Variants in CSNK2A2IP observed in about 807,000 individuals in gnomAD.
CSNK2A2IP encodes the protein casein kinase II subunit alpha'-interacting protein.
At chr3:88,466,544 G>A in the CSNK2A2IP span, 1 of 1,231,712 alleles carries the variant, frequency 8.1e-7, no homozygotes, top group Non-Finnish European at 1.0e-6. Flanking sequence ...CAGAGTAAAA[G>A]CAGCTTTCAG....
the CSNK2A2IP span, among the ~76,000 whole-genome samples, chr3:88,356,887 T>C: frequency 6.6e-6 from 1 of 152,174 alleles, no homozygotes; most frequent in Admixed American, 6.5e-5. Context: ...TTGGCCTTTT[T>C]TATGTCCTCT....
At chr3:88,447,468 C>G in the CSNK2A2IP span, among the ~76,000 whole-genome samples, 1 of 151,710 alleles carries the variant, frequency 6.6e-6, no homozygotes, top group Non-Finnish European at 1.5e-5. Context: ...GAAACTAATC[C>G]AAAGAAAGGA....
the CSNK2A2IP span, among the ~76,000 whole-genome samples, chr3:88,420,656 T>TA: frequency 2.0e-5 from 3 of 152,190 alleles, no homozygotes; most frequent in Non-Finnish European, 2.9e-5. Flanking sequence ...GAGTAAAATG[T>TA]AAATTCTGGA....
the CSNK2A2IP span, among the ~76,000 whole-genome samples, chr3:88,451,882 T>A: frequency 3.3e-5 from 5 of 152,220 alleles, no homozygotes; most frequent in Admixed American, 1.3e-4. Context: ...TGCAAATGCC[T>A]TAATAATCTT....
At chr3:88,356,404 T>A in the CSNK2A2IP span, among the ~76,000 whole-genome samples, 1 of 152,156 alleles carries the variant, frequency 6.6e-6, no homozygotes, top group East Asian at 1.9e-4. Flanking sequence ...TCTAGTTCCA[T>A]CCATGTTGCT....
the CSNK2A2IP span, among the ~76,000 whole-genome samples, chr3:88,386,941 G>A: frequency 7.9e-5 from 12 of 152,244 alleles, no homozygotes; most frequent in Non-Finnish European, 1.3e-4. Context: ...TGAGATGGAT[G>A]GGAGATCTGG....
At chr3:88,390,025 C>G in the CSNK2A2IP span, among the ~76,000 whole-genome samples, 1 of 151,908 alleles carries the variant, frequency 6.6e-6, no homozygotes, top group Non-Finnish European at 1.5e-5. Context: ...AAAAACGGCT[C>G]GTCAGAATCA....
chr3:88,385,168 C>T, the CSNK2A2IP span, among the ~76,000 whole-genome samples: 1 of 152,096 alleles, frequency 6.6e-6, no homozygotes, highest in African/African-American at 2.4e-5. Flanking sequence ...AATCCTGATG[C>T]AATCCAGTAA....
the CSNK2A2IP span, among the ~76,000 whole-genome samples, chr3:88,360,430 G>C: frequency 6.6e-6 from 1 of 152,090 alleles, no homozygotes. Flanking sequence ...ACTGCGCCCG[G>C]CCAAGAGTTT....
At chr3:88,456,045 T>C in the CSNK2A2IP span, among the ~76,000 whole-genome samples, 1 of 152,064 alleles carries the variant, frequency 6.6e-6, no homozygotes, top group Non-Finnish European at 1.5e-5. Context: ...CTTTCCAATC[T>C]GTTCCATTAG....
the CSNK2A2IP span, among the ~76,000 whole-genome samples, chr3:88,439,409 T>A: frequency 6.6e-6 from 1 of 152,092 alleles, no homozygotes; most frequent in Non-Finnish European, 1.5e-5. Context: ...TTAGGTTTTT[T>A]TATGGATTGG....
At chr3:88,389,530 A>G in the CSNK2A2IP span, among the ~76,000 whole-genome samples, 1 of 152,306 alleles carries the variant, frequency 6.6e-6, no homozygotes, top group African/African-American at 2.4e-5. Context: ...CTCCTTGTTG[A>G]TATAGGAAAT....
the CSNK2A2IP span, among the ~76,000 whole-genome samples, chr3:88,414,028 A>T: frequency 6.6e-6 from 1 of 151,692 alleles, no homozygotes; most frequent in Non-Finnish European, 1.5e-5. Context: ...CACAGGCAGG[A>T]ACTTATATAC....
chr3:88,412,172 G>A, the CSNK2A2IP span, among the ~76,000 whole-genome samples: 1 of 151,980 alleles, frequency 6.6e-6, no homozygotes, highest in Non-Finnish European at 1.5e-5. Flanking sequence ...CTAGGGAAAA[G>A]GAATAAATAT....
chr3:88,342,858 T>C, the CSNK2A2IP span, among the ~76,000 whole-genome samples: 1 of 152,022 alleles, frequency 6.6e-6, no homozygotes, highest in African/African-American at 2.4e-5. Flanking sequence ...GCATAGTTAC[T>C]TATGTAGAAT....
At chr3:88,413,100 C>G in the CSNK2A2IP span, among the ~76,000 whole-genome samples, 1 of 151,958 alleles carries the variant, frequency 6.6e-6, no homozygotes, top group East Asian at 1.9e-4. Context: ...TATATTAATG[C>G]CATCTGCCTC....
the CSNK2A2IP span, among the ~76,000 whole-genome samples, chr3:88,421,350 A>G: frequency 1.3e-5 from 2 of 152,118 alleles, no homozygotes; most frequent in African/African-American, 2.4e-5. Context: ...TGCCTCCCAT[A>G]TGCAGCAACC....
At chr3:88,404,525 T>A in the CSNK2A2IP span, among the ~76,000 whole-genome samples, 1 of 152,152 alleles carries the variant, frequency 6.6e-6, no homozygotes, top group East Asian at 1.9e-4. Flanking sequence ...AACTTTAATC[T>A]GTTTAACACC....
At chr3:88,407,708 C>T in the CSNK2A2IP span, among the ~76,000 whole-genome samples, 1 of 142,694 alleles carries the variant, frequency 7.0e-6, no homozygotes, top group Non-Finnish European at 1.6e-5. Flanking sequence ...AAATAGTGTG[C>T]AATCTATTTA....
Sources: allele counts gnomAD v4.1 joint callset (sites outside exome capture counted in the v4.1 genomes callset), GRCh38; gene constraint gnomAD v4.1.1; transcripts MANE v1.5; gene names NCBI Gene and HGNC (gene_info 2026-07-23, HGNC 2026-07-21).